Variants in KCNAB1 observed in about 807,000 individuals in gnomAD.
The protein encoded by KCNAB1 is voltage-gated potassium channel subunit beta-1.
A neutral mutation model predicts 64.6 loss-of-function variants in KCNAB1; 35 were observed. The observed-to-expected ratio is 0.54, with a 90% CI of 0.41 to 0.72. KCNAB1 has a LOEUF of 0.72. Among genes scored for constraint, KCNAB1 ranks in the 30% least tolerant of loss-of-function variants. The pLI, the probability that KCNAB1 is intolerant of heterozygous loss-of-function variation, is 0.00. For missense variants in KCNAB1, 401 were observed against 512.9 expected, an observed-to-expected ratio of 0.78 and a Z score of 2.11; for synonymous variants, 177 against 183.8, an observed-to-expected ratio of 0.96 and a Z score of 0.30.
intron 1 of KCNAB1, among the ~76,000 whole-genome samples, chr3:156,121,558 G>T (rs917146610): frequency 6.6e-6 from 1 of 152,120 alleles, no homozygotes; most frequent in African/African-American, 2.4e-5. Context: ...AGTGTTCCAA[G>T]GCAAAACGTA....
intron 1 of KCNAB1, among the ~76,000 whole-genome samples, chr3:156,397,363 C>T (rs998054933): frequency 3.9e-5 from 6 of 152,130 alleles, no homozygotes; most frequent in African/African-American, 1.4e-4. Context: ...CTGTGAGTAC[C>T]TGGATACCTA....
At chr3:156,261,505 C>T (rs907900176) in intron 1 of KCNAB1, among the ~76,000 whole-genome samples, 19 of 151,934 alleles carry the variant, frequency 1.3e-4, no homozygotes, top group East Asian at 1.2e-3. Flanking sequence ...TATGCTTTCT[C>T]AATTGAATTG....
At chr3:156,160,905 G>GAGGC (rs1716037504) in intron 1 of KCNAB1, among the ~76,000 whole-genome samples, 1 of 152,206 alleles carries the variant, frequency 6.6e-6, no homozygotes, top group Admixed American at 6.5e-5. Context: ...ATGAAGGAAG[G>GAGGC]AGGCAGAAGG....
chr3:156,485,559 C>T (rs1715145574), intron 8 of KCNAB1, among the ~76,000 whole-genome samples: 1 of 151,724 alleles, frequency 6.6e-6, no homozygotes, highest in Non-Finnish European at 1.5e-5. Context: ...ATGAATCCTG[C>T]AGTACATTTA....
At chr3:156,128,666 G>A (rs951500745) in intron 1 of KCNAB1, among the ~76,000 whole-genome samples, 2 of 152,158 alleles carry the variant, frequency 1.3e-5, no homozygotes, top group Non-Finnish European at 2.9e-5. Flanking sequence ...CAGATCCCAG[G>A]TCTCCTGGTT....
intron 1 of KCNAB1, among the ~76,000 whole-genome samples, chr3:156,258,917 C>T (rs1718265667): frequency 6.6e-6 from 1 of 152,238 alleles, no homozygotes; most frequent in Non-Finnish European, 1.5e-5. Flanking sequence ...GCAAATCCCC[C>T]TCTGCATGCA....
chr3:156,189,859 G>A (rs1480448689), intron 1 of KCNAB1, among the ~76,000 whole-genome samples: 1 of 152,054 alleles, frequency 6.6e-6, no homozygotes, highest in Non-Finnish European at 1.5e-5. Context: ...GGGTTGAGGG[G>A]GGCATTGTCA....
chr3:156,118,447 T>C (rs895128813), upstream of KCNAB1: 1 of 345,440 alleles, frequency 2.9e-6, no homozygotes, highest in Non-Finnish European at 5.9e-6. Flanking sequence ...CACCACGTTT[T>C]ACATTGAAGT....
intron 1 of KCNAB1, among the ~76,000 whole-genome samples, chr3:156,297,083 T>C (rs1386468144): frequency 6.6e-6 from 1 of 152,174 alleles, no homozygotes; most frequent in African/African-American, 2.4e-5. Context: ...ACCACCACAA[T>C]GAAGAATCAA....
In KCNAB1 at chr3:156,428,858, C is replaced by G. The variant is rs567408360; in HGVS notation, c.319+7199C>G. ...GAAGGAGAGAAAGAACACCCCCATA[C>G]CTTTGGGTCCCTGTTTCACACATCC... On this transcript the variant is annotated intron_variant, in intron 2 of 13. Coordinates refer to ENST00000490337, the MANE Select transcript of KCNAB1 (RefSeq NM_172160.3). Among the ~76,000 whole-genome samples the G allele has an allele frequency of 3.3e-5, 5 of 152,314 alleles. No homozygotes were observed. The South Asian group carries it at 1.0e-3, about 32-fold the overall frequency.
intron 1 of KCNAB1, among the ~76,000 whole-genome samples, chr3:156,392,596 CATCAAGTAT>C (rs1713125574): frequency 6.6e-6 from 1 of 152,182 alleles, no homozygotes; most frequent in Non-Finnish European, 1.5e-5. Flanking sequence ...AACACTTCAC[CATCAAGTAT>C]AATATGTGGT....
At chr3:156,457,792 C>T (rs560009852) in intron 4 of KCNAB1, among the ~76,000 whole-genome samples, 2 of 152,230 alleles carry the variant, frequency 1.3e-5, no homozygotes, top group Non-Finnish European at 2.9e-5. Context: ...GAAGCAATTG[C>T]CATGTCTATG....
chr3:156,244,007 C>A (rs1717315419), intron 1 of KCNAB1, among the ~76,000 whole-genome samples: 1 of 152,228 alleles, frequency 6.6e-6, no homozygotes, highest in Non-Finnish European at 1.5e-5. Context: ...ACTTGGGTGG[C>A]CAAACATCCA....
intron 1 of KCNAB1, among the ~76,000 whole-genome samples, chr3:156,249,963 C>A (rs1717726476): frequency 6.6e-6 from 1 of 152,212 alleles, no homozygotes; most frequent in South Asian, 2.1e-4. Flanking sequence ...AATGATTTGA[C>A]AAAAGCTGTT....
In KCNAB1 at chr3:156,428,912, A is replaced by C. The variant is rs182250666; in HGVS notation, c.319+7253A>C. Among the ~76,000 whole-genome samples, 23 of 152,178 alleles carry C rather than the reference A, an allele frequency of 1.5e-4. No individual in the cohort carries two copies. The East Asian group carries it at 4.4e-3, about 29-fold the overall frequency. ...AGACTTTAATTCCTAGGGAATGCAA[A>C]CTGATTCCAAGGAAATGTTCTGTGT... On this transcript the variant is annotated intron_variant, in intron 2 of 13. Coordinates refer to ENST00000490337, the MANE Select transcript of KCNAB1 (RefSeq NM_172160.3).
At chr3:156,424,136 G>T (rs1238360043) in intron 2 of KCNAB1, among the ~76,000 whole-genome samples, 2 of 152,022 alleles carry the variant, frequency 1.3e-5, no homozygotes, top group African/African-American at 4.8e-5. Context: ...TCATCTTTGG[G>T]GTCACTGAAC....
Position 156,447,160 on chromosome 3 carries a change from C to A in KCNAB1, c.320-5739C>A, listed in dbSNP as rs1321423816. Reference sequence around the variant, plus strand: ...TTTCTTAGTGAATCTTATCTGGCCACCCTATCTAAAATTTCAATACTGATT... The same window carrying A: ...TTTCTTAGTGAATCTTATCTGGCCAACCTATCTAAAATTTCAATACTGATT... On this transcript the variant is annotated intron_variant, in intron 2 of 13. Coordinates refer to ENST00000490337, the MANE Select transcript of KCNAB1 (RefSeq NM_172160.3). Among the ~76,000 whole-genome samples, 2 of 152,128 alleles carry A rather than the reference C, an allele frequency of 1.3e-5. 1 individual carries two copies. Among genetic ancestry groups the A allele is most frequent in the African/African-American group, 4.8e-5 (2 of 41,436 alleles).
chr3:156,389,254 A>G (rs7631960), intron 1 of KCNAB1, among the ~76,000 whole-genome samples: 341 of 152,282 alleles, frequency 2.2e-3, no homozygotes, highest in African/African-American at 8.0e-3. Context: ...GCTGCAGTGA[A>G]AGGCACAGTC....
chr3:156,120,718 A>G lies in KCNAB1; in HGVS notation c.107A>G (p.Lys36Arg), dbSNP rs1157271261. 5 of 1,614,138 alleles carry G rather than the reference A, an allele frequency of 3.1e-6. No homozygotes were observed. The highest frequency in any genetic ancestry group is 4.2e-6 in the Non-Finnish European group (5 of 1,180,050). Residue 36 changes from lysine (K) to arginine (R), a missense_variant, in exon 1 of 14, where the codon AAG becomes AGG. Coordinates refer to ENST00000490337, the MANE Select transcript of KCNAB1 (RefSeq NM_172160.3). ...GTAGCAGGGAAAGACAAATCTCCCA[A>G]GAAAGCCTCAGAAAACGCTAAAGAC... ...FSVAGKDKSP[K>R]KASENAKDSS... is the part of the protein sequence containing the mutation.
Sources: allele counts gnomAD v4.1 joint callset (sites outside exome capture counted in the v4.1 genomes callset), GRCh38; gene constraint gnomAD v4.1.1; transcripts MANE v1.5; gene names NCBI Gene and HGNC (gene_info 2026-07-23, HGNC 2026-07-21).